The following MRPS7 variants were observed in gnomAD, a reference collection of about 807,000 sequenced individuals.
MRPS7 encodes mitochondrial ribosomal protein S7.
A neutral mutation model predicts 26.2 loss-of-function variants in MRPS7; 13 were observed. The ratio of observed to expected loss-of-function variants is 0.50; its 90% confidence interval spans 0.32 to 0.79. The LOEUF (loss-of-function observed/expected upper bound fraction) is 0.79. Among genes scored for constraint, MRPS7 ranks in the 30% least tolerant of loss-of-function variants. The pLI is 0.03. For missense variants in MRPS7, 318 were observed against 312.2 expected (o/e 1.02, Z -0.14); for synonymous variants, 129 against 113.3 (o/e 1.14, Z -0.88).
At position 75,262,548 on chromosome 17, in the gene MRPS7, G is replaced by T. The variant is rs1360054465; in HGVS notation, c.135G>T (p.Leu45Phe). Residue 45 changes from leucine to phenylalanine, a missense_variant, in exon 2 of 5, where the codon TTG becomes TTT. By Grantham distance (22) the Leu-to-Phe change is conservative. Transcript: ENST00000245539. ...ATAGTCCTGAATTCAAGGATCCCTTGATTGACAAGGAATATTATCGCAAGC... is the reference window on the plus strand; with the variant it reads ...ATAGTCCTGAATTCAAGGATCCCTTTATTGACAAGGAATATTATCGCAAGC... ...SRYSPEFKDPLIDKEYYRKPV... is the reference protein window; with the variant it reads ...SRYSPEFKDPFIDKEYYRKPV... 1 of 1,614,160 alleles carries T rather than the reference G, an allele frequency of 6.2e-7. No homozygotes were observed. The highest frequency in any genetic ancestry group is 1.1e-5 in the South Asian group (1 of 91,078).
At chr17:75,264,770 C>G (rs954755698) in intron 4 of MRPS7, among the ~76,000 whole-genome samples, 2 of 151,346 alleles carry the variant, frequency 1.3e-5, no homozygotes, top group Admixed American at 1.3e-4. Flanking sequence ...GCCTCCGCCT[C>G]CCGGGTTCAA....
chr17:75,262,742 T>A, intron 2 of MRPS7, 54 bp downstream of exon 2: 1 of 1,613,824 alleles, frequency 6.2e-7, no homozygotes, highest in Non-Finnish European at 8.5e-7. Context: ...CAGGGAGGGT[T>A]TCTGGTGAGG....
At chr17:75,264,578 C>T (rs2077456891) in intron 4 of MRPS7, 2 of 152,108 alleles carry the variant, frequency 1.3e-5, no homozygotes. Context: ...TGGCATGGTA[C>T]TGACGCATAG....
At position 75,261,958 on chromosome 17, in the gene MRPS7, C is replaced by A; in HGVS notation, c.58C>A (p.Arg20=). Residue 20 remains arginine (R), a synonymous_variant, in exon 1 of 5, where the codon CGG becomes AGG. Transcript: ENST00000245539. ...RGWSGLALGV[R]RAVLQLPGLT... ...ATGGTCGGGCCTGGCGTTGGGCGTG[C>A]GGCGGGCTGTCTTGCAGCTTCCAGG... is the stretch of plus-strand genomic sequence containing the variant. 8 of 1,607,280 alleles carry A rather than the reference C, an allele frequency of 5.0e-6. No homozygotes were observed. The highest frequency in any genetic ancestry group is 6.8e-6 in the Non-Finnish European group (8 of 1,179,760).
At chr17:75,264,953 C>G (rs1489422109) in intron 4 of MRPS7, among the ~76,000 whole-genome samples, 1 of 152,136 alleles carries the variant, frequency 6.6e-6, no homozygotes, top group African/African-American at 2.4e-5. Context: ...TTAGTCACCC[C>G]AGCTAATGGG....
intron 4 of MRPS7, 30 bp downstream of exon 4, chr17:75,263,537 G>T (rs774916736): frequency 1.2e-6 from 2 of 1,613,106 alleles, no homozygotes; most frequent in South Asian, 1.1e-5. Context: ...AAGAAAGCAG[G>T]GCCCTCCACA....
intron 4 of MRPS7, chr17:75,263,836 A>T (rs762281030): frequency 9.5e-5 from 14 of 147,366 alleles, no homozygotes; most frequent in Non-Finnish European, 1.5e-4. Context: ...AGTTATGATT[A>T]CGCCCCTGCA....
chr17:75,263,031 G>A lies in MRPS7; in HGVS notation c.339+164G>A, dbSNP rs116617439. ...CTTTAATGAAGCCCTGTAAGAGTCA[G>A]CAACTGCCATTCCTTGGTGTTTCGG... On this transcript the variant is annotated intron_variant, in intron 3 of 4. Transcript: ENST00000245539. 4.1e-3 allele frequency: 2,821 copies of A among 684,234 alleles called. 74 individuals are homozygous for A. The African/African-American group carries it at 0.047, about 11-fold the overall frequency. The allele number at this position is 684,234 out of a possible 1,614,324, so 42.4% of individuals were successfully genotyped here.
In MRPS7 at chr17:75,266,030, G is replaced by T. The variant is rs1371909449; in HGVS notation, c.*107G>T. 9.9e-7 allele frequency: 1 copy of T among 1,009,902 alleles called. No homozygotes were observed. The allele number at this position is 1,009,902 out of a possible 1,614,324, so 62.6% of individuals were successfully genotyped here. ...GGATGTAGTTCCTTTGTAAGGGTGGGCAGGCCTCGTAAGAAAGATGTAGCA... is the reference window on the plus strand; with the variant it reads ...GGATGTAGTTCCTTTGTAAGGGTGGTCAGGCCTCGTAAGAAAGATGTAGCA... On this transcript the variant is annotated 3_prime_UTR_variant, in exon 5 of 5. Coordinates refer to ENST00000245539, the MANE Select transcript of MRPS7 (RefSeq NM_015971.4).
chr17:75,262,863 T>C lies in MRPS7; in HGVS notation c.335T>C (p.Ile112Thr). The change falls in exon 3 of 5, where the codon ATT becomes ACT. Residue 112 changes from isoleucine (I) to threonine (T), a missense_variant. Physicochemically the swap from Ile to Thr is moderately conservative, Grantham distance 89. Transcript: ENST00000245539. ...GNKVLARSLM[I>T]QTLEAVKRKQ... ...AAAGTACTGGCCAGATCCCTCATGA[T>C]TCAGGTAAACAGCACTTCCCTCCTC... 2 of 1,614,092 alleles carry C rather than the reference T, an allele frequency of 1.2e-6. No homozygotes were observed. The highest frequency in any genetic ancestry group is 1.7e-6 in the Non-Finnish European group (2 of 1,179,942).
At chr17:75,263,078 AAAAG>A in intron 3 of MRPS7, 1 of 642,100 alleles carries the variant, frequency 1.6e-6, no homozygotes, top group Non-Finnish European at 2.6e-6. Flanking sequence ...CAATTAAAAA[AAAAG>A]GAACAAATAA....
Position 75,263,375 on chromosome 17 carries a change from G to A in MRPS7, c.375G>A (p.Lys125=). Residue 125 remains lysine, a synonymous_variant, in exon 4 of 5, where the codon AAG becomes AAA. Transcript: ENST00000245539. ...CTGTGAAAAGGAAGCAGTTTGAGAA[G>A]TACCATGCCGCTTCTGCAGAGGAAC... ...LEAVKRKQFE[K]YHAASAEEQA... The A allele has an allele frequency of 1.2e-6, 2 of 1,614,098 alleles. No individual in the cohort carries two copies. The highest frequency in any genetic ancestry group is 1.7e-6 in the Non-Finnish European group (2 of 1,180,030).
rs369997585 is a variant in MRPS7, at chr17:75,263,538, G to A, written c.507+31G>A. 2.5e-6 allele frequency: 4 copies of A among 1,612,798 alleles called. No homozygotes were observed. In the African/African-American group the frequency reaches 5.3e-5, roughly 22 times the overall value. On this transcript the variant is annotated intron_variant, in intron 4 of 4. Coordinates refer to ENST00000245539, the MANE Select transcript of MRPS7 (RefSeq NM_015971.4). ...TGAATGGCCAGGGCAAGAAAGCAGG[G>A]CCCTCCACATGTGAAACAAGATAGG... is the stretch of plus-strand genomic sequence containing the variant.
chr17:75,263,535 A>G, intron 4 of MRPS7, 28 bp downstream of exon 4: 1 of 1,613,264 alleles, frequency 6.2e-7, no homozygotes, highest in Non-Finnish European at 8.5e-7. Flanking sequence ...GCAAGAAAGC[A>G]GGGCCCTCCA....
At chr17:75,263,244 G>A in intron 3 of MRPS7, 96 bp from the exon 4 acceptor site, 1 of 1,480,786 alleles carries the variant, frequency 6.8e-7, no homozygotes, top group South Asian at 1.2e-5. Flanking sequence ...TGCCAGCGCA[G>A]AACCAGAGGA....
intron 4 of MRPS7, chr17:75,264,145 G>C (rs2077450501): frequency 6.9e-6 from 1 of 145,210 alleles, no homozygotes; most frequent in Non-Finnish European, 1.5e-5. Context: ...CCGCACTCCA[G>C]CCTGGCAACA....
rs534337049 is a variant in MRPS7, at chr17:75,266,313, G to A, written c.*390G>A. The stretch of plus-strand genomic sequence containing the variant: ...GCAGCATTCAGTGAAACTGGCTGGA[G>A]GAAATAGGCTTGTTTCCAGAGTTGT... On this transcript the variant is annotated 3_prime_UTR_variant, in exon 5 of 5. Transcript: ENST00000245539. The A allele has an allele frequency of 5.4e-5, 19 of 353,084 alleles. No individual in the cohort carries two copies. Among genetic ancestry groups the A allele is most frequent in the Admixed American group, 4.4e-4 (10 of 22,922 alleles). 21.9% of individuals were successfully genotyped at this position (353,084 alleles called of 1,614,324 possible).
In MRPS7 at chr17:75,262,197, C is replaced by G. The variant is rs1410374199; in HGVS notation, c.83+214C>G. The G allele has an allele frequency of 5.9e-6, 4 of 673,908 alleles. No homozygotes were observed. The South Asian group carries it at 7.7e-5, about 13-fold the overall frequency. 41.7% of individuals were successfully genotyped at this position (673,908 alleles called of 1,614,324 possible). A position where few individuals can be genotyped will look rare whatever the true frequency, so the allele number is the denominator to read the frequency against. On this transcript the variant is annotated intron_variant, in intron 1 of 4. Transcript: ENST00000245539. ...GCTGATCTAGGGTTCTAACGCGGAG[C>G]TGAAAGTGCGGTTCAGCTAAAGAGC...
chr17:75,265,964 A>T lies in MRPS7; in HGVS notation c.*41A>T, dbSNP rs774378361. 1.3e-6 allele frequency: 2 copies of T among 1,586,170 alleles called. No individual in the cohort carries two copies. Among genetic ancestry groups the T allele is most frequent in the Non-Finnish European group, 1.7e-6 (2 of 1,158,752 alleles). Reference sequence around the variant, plus strand: ...CCCAGGGCCCTCTGCCGCAAGAAACAGTGTGAGCTACTGCCACGCTGAAAA... The same window carrying T: ...CCCAGGGCCCTCTGCCGCAAGAAACTGTGTGAGCTACTGCCACGCTGAAAA... On this transcript the variant is annotated 3_prime_UTR_variant, in exon 5 of 5. Transcript: ENST00000245539.
Sources: gnomAD v4.1 joint callset for allele counts (sites outside exome capture counted in the v4.1 genomes callset) on GRCh38, gnomAD v4.1.1 for gene constraint, MANE v1.5 for transcripts, NCBI Gene and HGNC (gene_info 2026-07-23, HGNC 2026-07-21) for gene names.